ZHX1: variants seen among roughly 807,000 people sequenced by gnomAD.
The protein encoded by ZHX1 is zinc fingers and homeoboxes protein 1.
In ZHX1, 20 loss-of-function variants were observed where a neutral mutation model predicts 61.8. That is an observed-to-expected ratio of 0.32 (90% CI 0.23 to 0.47). The LOEUF is 0.47. ZHX1 is among the 20% of genes least tolerant of loss of function. The pLI is 1.00. For synonymous variants in ZHX1, 318 were observed against 352.6 expected, an observed-to-expected ratio of 0.90 and a Z score of 1.10; for missense variants, 800 against 1,034.8, an observed-to-expected ratio of 0.77 and a Z score of 3.11.
chr8:123,250,232 GT>G lies in ZHX1; in HGVS notation c.*91del, dbSNP rs2131182222. 2.2e-6 allele frequency: 1 copy of G among 453,664 alleles called. No individual in the cohort carries two copies. The highest frequency in any genetic ancestry group is 1.6e-5 in the South Asian group (1 of 64,036). 28.1% of individuals were successfully genotyped at this position (453,664 alleles called of 1,614,324 possible). On this transcript the variant is annotated 3_prime_UTR_variant, in exon 4 of 4. Transcript: ENST00000395571. ...TTTTTGAGTGTGTATGCCCCAAAACGTTTTCAATGTCATCAAAGATTGGGCA... is the reference window on the plus strand; with the variant it reads ...TTTTTGAGTGTGTATGCCCCAAAACGTTTCAATGTCATCAAAGATTGGGCA...
Position 123,255,335 on chromosome 8 carries a change from C to T in ZHX1, c.612G>A (p.Glu204=), listed in dbSNP as rs1251431451. The T allele has an allele frequency of 6.2e-7, 1 of 1,614,096 alleles. No individual in the cohort carries two copies. The highest frequency in any genetic ancestry group is 2.2e-5 in the East Asian group (1 of 44,882). ...CATTCTCTTTCTCTTCAGGAACGTC[C>T]TCAACTGAGTTATGATGAACTGCAA... The part of the protein sequence containing the change: ...KRIAVHHNSV[E]DVPEEKENEI... Residue 204 remains glutamate, a synonymous_variant, in exon 3 of 4, where the codon GAG becomes GAA. Coordinates refer to ENST00000395571, the MANE Select transcript of ZHX1 (RefSeq NM_007222.5).
Position 123,254,487 on chromosome 8 carries a change from T to G in ZHX1, c.1460A>C (p.Gln487Pro). Reference protein sequence around the residue: ...AELKVSYLKNQFPHDSEIIRL... With the variant: ...AELKVSYLKNPFPHDSEIIRL... ...GATAATTTCTGAATCATGGGGAAAC[T>G]GATTTTTAAGGTAGCTAACTTTTAA... is the stretch of plus-strand genomic sequence containing the variant. The change falls in exon 3 of 4, where the codon CAG becomes CCG. Residue 487 changes from glutamine to proline, a missense_variant. Transcript: ENST00000395571. This position sits in a 1 kb window ranked among gnomAD's most constrained non-coding sequence, Gnocchi z 4.1. 1 of 1,613,864 alleles carries G rather than the reference T, an allele frequency of 6.2e-7. No individual in the cohort carries two copies. Among genetic ancestry groups the G allele is most frequent in the Non-Finnish European group, 8.5e-7 (1 of 1,179,946 alleles).
chr8:123,267,250 T>C lies in ZHX1; in HGVS notation c.-226+23A>G, dbSNP rs1193939573. 9.8e-6 allele frequency: 15 copies of C among 1,529,630 alleles called. No individual in the cohort carries two copies. In the African/African-American group the frequency reaches 2.1e-4, roughly 21 times the overall value. The allele number at this position is 1,529,630 out of a possible 1,614,324, so 94.8% of individuals were successfully genotyped here. On this transcript the variant is annotated intron_variant, in intron 2 of 3. Coordinates refer to ENST00000395571, the MANE Select transcript of ZHX1 (RefSeq NM_007222.5). The stretch of plus-strand genomic sequence containing the variant: ...TACATTCAGTATCTGAGTTTTACCA[T>C]ACCAAAACAATGAAACACATACTTG...
In ZHX1 at chr8:123,267,308, T is replaced by C; in HGVS notation, c.-261A>G. ...TTCCTTAGCATTCTGTTCTTTGAAA[T>C]GGAAGGGTATCCCTTCTAGTTAGAT... On this transcript the variant is annotated 5_prime_UTR_variant, in exon 2 of 4. Coordinates refer to ENST00000395571, the MANE Select transcript of ZHX1 (RefSeq NM_007222.5). 1 of 1,530,472 alleles carries C rather than the reference T, an allele frequency of 6.5e-7. No homozygotes were observed. 94.8% of individuals were successfully genotyped at this position (1,530,472 alleles called of 1,614,324 possible).
intron 1 of ZHX1, among the ~76,000 whole-genome samples, chr8:123,270,340 TCAC>T (rs902235503): frequency 3.3e-5 from 5 of 152,060 alleles, no homozygotes; most frequent in African/African-American, 7.2e-5. Context: ...AAATAGGAAA[TCAC>T]CAAAATTTAA....
chr8:123,253,096 A>G lies in ZHX1; in HGVS notation c.*3+226T>C, dbSNP rs1378142089. The G allele has an allele frequency of 7.4e-5, 30 of 403,610 alleles. No individual in the cohort carries two copies. The East Asian group carries it at 1.1e-3, about 15-fold the overall frequency. 25.0% of individuals were successfully genotyped at this position (403,610 alleles called of 1,614,324 possible). A position where few individuals can be genotyped will look rare whatever the true frequency, so the allele number is the denominator to read the frequency against. ...AAACAAAGTAAAAAAAACCCAATTC[A>G]TATGAAAAATAATAATTAAGACATT... is the stretch of plus-strand genomic sequence containing the variant. On this transcript the variant is annotated intron_variant, in intron 3 of 3. Coordinates refer to ENST00000395571, the MANE Select transcript of ZHX1 (RefSeq NM_007222.5).
upstream of ZHX1, chr8:123,274,375 G>A (rs1014711554): frequency 6.6e-6 from 1 of 152,450 alleles, no homozygotes; most frequent in African/African-American, 2.4e-5. Flanking sequence ...GCCCCGCGGA[G>A]TGTGGGGACT....
rs1446129352 is a variant in ZHX1 at position 123,271,446 on chromosome 8, T to C, written c.-340+2771A>G. On this transcript the variant is annotated intron_variant, in intron 1 of 3. Transcript: ENST00000395571. ...TGATATTAGATTAAAAACTAGGTGC[T>C]GAACTTTCAACACTGTTTATTTAAG... 2.6e-5 allele frequency among the ~76,000 whole-genome samples: 4 copies of C among 152,310 alleles called. No individual in the cohort carries two copies. The East Asian group carries it at 7.7e-4, about 29-fold the overall frequency.
chr8:123,256,895 A>T (rs962761343), intron 2 of ZHX1: 3 of 152,152 alleles, frequency 2.0e-5, no homozygotes, highest in African/African-American at 4.8e-5. Flanking sequence ...AGGATGAATG[A>T]TCAAAGTTTC....
At chr8:123,268,206 T>C (rs1053511875) in intron 1 of ZHX1, among the ~76,000 whole-genome samples, 5 of 152,192 alleles carry the variant, frequency 3.3e-5, no homozygotes, top group Non-Finnish European at 1.5e-5. Flanking sequence ...TAGTAGTACT[T>C]GATCTACAAA....
upstream of ZHX1, among the ~76,000 whole-genome samples, chr8:123,274,998 G>C (rs1188370777): frequency 6.6e-6 from 1 of 152,080 alleles, no homozygotes; most frequent in Non-Finnish European, 1.5e-5. Flanking sequence ...ACCTCTCCTC[G>C]CTTCGGACCC....
At chr8:123,273,010 G>A (rs1172546923) in intron 1 of ZHX1, among the ~76,000 whole-genome samples, 1 of 151,014 alleles carries the variant, frequency 6.6e-6, no homozygotes, top group Non-Finnish European at 1.5e-5. Flanking sequence ...TGAGTTGACA[G>A]AAAAGGGCTG....
chr8:123,254,362 G>A lies in ZHX1; in HGVS notation c.1585C>T (p.His529Tyr). 1 of 1,614,096 alleles carries A rather than the reference G, an allele frequency of 6.2e-7. No individual in the cohort carries two copies. The highest frequency in any genetic ancestry group is 1.1e-5 in the South Asian group (1 of 91,080). Reference sequence around the variant, plus strand: ...GTGGTAGAGGAATCATTGTTGAGATGTAAGCACTGATTACTCTTTGAATTT... The same window carrying A: ...GTGGTAGAGGAATCATTGTTGAGATATAAGCACTGATTACTCTTTGAATTT... ...QRNSKSNQCL[H>Y]LNNDSSTTII... Residue 529 changes from histidine (H) to tyrosine (Y), a missense_variant, in exon 3 of 4, where the codon CAT becomes TAT. His to Tyr is a moderately conservative substitution (Grantham distance 83). Transcript: ENST00000395571. This position sits in a 1 kb window ranked among gnomAD's most constrained non-coding sequence, Gnocchi z 4.1.
chr8:123,251,310 T>C (rs1825913212), intron 3 of ZHX1, among the ~76,000 whole-genome samples: 1 of 152,234 alleles, frequency 6.6e-6, no homozygotes, highest in Non-Finnish European at 1.5e-5. Context: ...GTGAGTCAAC[T>C]AAACCTCTTT....
intron 2 of ZHX1, among the ~76,000 whole-genome samples, chr8:123,260,549 G>A (rs1826217630): frequency 6.7e-6 from 1 of 150,308 alleles, no homozygotes; most frequent in Non-Finnish European, 1.5e-5. Flanking sequence ...AGTGAGCCGA[G>A]ATCAAACCAC....
At chr8:123,268,500 C>CT (rs910220448) in intron 1 of ZHX1, among the ~76,000 whole-genome samples, 13 of 149,314 alleles carry the variant, frequency 8.7e-5, no homozygotes, top group South Asian at 2.1e-4. Context: ...TGGTTGTATT[C>CT]TTTTTTTTTT....
rs1198627300 is a variant in ZHX1, at chr8:123,249,854, T to TA, written c.*469_*470insT. On this transcript the variant is annotated 3_prime_UTR_variant, in exon 4 of 4. Coordinates refer to ENST00000395571, the MANE Select transcript of ZHX1 (RefSeq NM_007222.5). The stretch of plus-strand genomic sequence containing the variant: ...AAATCAGGGTTTTTTTTTTTTTTTT[T>TA]TTTTTACCCATTTCTAACAATTTTT... 1 of 151,828 alleles carries TA rather than the reference T, an allele frequency of 6.6e-6. No individual in the cohort carries two copies. The highest frequency in any genetic ancestry group is 1.9e-4 in the East Asian group (1 of 5,184). The allele number at this position is 151,828 out of a possible 1,614,324, so 9.4% of individuals were successfully genotyped here.
At position 123,255,854 on chromosome 8, in the gene ZHX1, A is replaced by T; in HGVS notation, c.93T>A (p.Gly31=). Residue 31 remains glycine, a synonymous_variant, in exon 3 of 4, where the codon GGT becomes GGA. Coordinates refer to ENST00000395571, the MANE Select transcript of ZHX1 (RefSeq NM_007222.5). The part of the protein sequence containing the change: ...DLELISDLDE[G]PPVLTPVENT... ...TTTCTACAGGTGTAAGCACAGGAGG[A>T]CCTTCATCCAAATCTGATATCAACT... The T allele has an allele frequency of 6.2e-7, 1 of 1,614,178 alleles. No individual in the cohort carries two copies. Among genetic ancestry groups the T allele is most frequent in the Non-Finnish European group, 8.5e-7 (1 of 1,180,030 alleles).
chr8:123,250,618 A>G (rs575710278), intron 3 of ZHX1, among the ~76,000 whole-genome samples: 2 of 152,342 alleles, frequency 1.3e-5, no homozygotes, highest in Admixed American at 1.3e-4. Context: ...TATGAAATCT[A>G]AAGACTTGTA....
Sources: allele counts gnomAD v4.1 joint callset (sites outside exome capture counted in the v4.1 genomes callset), GRCh38; gene constraint gnomAD v4.1.1; non-coding constraint Gnocchi (gnomAD v3.1); transcripts MANE v1.5; gene names NCBI Gene and HGNC (gene_info 2026-07-23, HGNC 2026-07-21).